The following OTUD7A variants were observed in gnomAD, a reference collection of about 807,000 sequenced individuals.
The protein encoded by OTUD7A is OTU deubiquitinase 7A, also known as OTU domain-containing protein 7A.
Under a neutral mutation model 65.7 loss-of-function variants are expected in OTUD7A, and 12 were observed. The observed-to-expected ratio is 0.18, with a 90% CI of 0.12 to 0.30. OTUD7A has a LOEUF of 0.30. OTUD7A is among the 10% of genes least tolerant of loss of function. The pLI is 1.00. For missense variants in OTUD7A, 1,148 were observed against 1,304.8 expected (o/e 0.88, Z 1.85); for synonymous variants, 641 against 586.3 (o/e 1.09, Z -1.35).
chr15:31,513,052 G>A (rs2041780939), intron 8 of OTUD7A, among the ~76,000 whole-genome samples: 1 of 152,136 alleles, frequency 6.6e-6, no homozygotes, highest in South Asian at 2.1e-4. Context: ...TGTATTTTTA[G>A]TGGAGACGGG....
intron 1 of OTUD7A, among the ~76,000 whole-genome samples, chr15:31,850,785 AT>A (rs1189495941): frequency 6.6e-6 from 1 of 152,210 alleles, no homozygotes; most frequent in Admixed American, 6.5e-5. Context: ...AGGAGTTAAC[AT>A]GCAAAGCGGC....
intron 1 of OTUD7A, among the ~76,000 whole-genome samples, chr15:31,684,674 G>C (rs1892795826): frequency 7.1e-6 from 1 of 141,048 alleles, no homozygotes; most frequent in Admixed American, 7.4e-5. Flanking sequence ...CACAACATCA[G>C]AGTTGTTTCA....
rs373314778 is a variant in OTUD7A at position 31,510,926 on chromosome 15, C to CAT, written c.894-7110_894-7109dup. On this transcript the variant is annotated intron_variant, in intron 8 of 12. Coordinates refer to ENST00000307050, the MANE Select transcript of OTUD7A (RefSeq NM_001382637.1). ...AACATATATGTATATCTATATGTAA[C>CAT]ATATATGTATATCTATATGTAACAT... Among the ~76,000 whole-genome samples the CAT allele has an allele frequency of 2.6e-4, 3 of 11,422 alleles. 1 individual carries two copies. The African/African-American group carries it at 3.4e-3, about 13-fold the overall frequency. The allele number at this position is 11,422 out of a possible 152,430, so 7.5% of individuals were successfully genotyped here. A position where few individuals can be genotyped will look rare whatever the true frequency, so the allele number is the denominator to read the frequency against.
chr15:31,662,792 C>T (rs1892201822), intron 1 of OTUD7A, among the ~76,000 whole-genome samples: 1 of 152,164 alleles, frequency 6.6e-6, no homozygotes, highest in South Asian at 2.1e-4. Context: ...AAATTGAAGA[C>T]TTAGGAGTTT....
intron 1 of OTUD7A, chr15:31,767,862 G>A (rs1434439388): frequency 2.7e-5 from 31 of 1,146,662 alleles, no homozygotes; most frequent in Admixed American, 8.9e-5. Flanking sequence ...GGATGCCTTC[G>A]TGGTAGAGTT....
chr15:31,475,578 C>G lies in OTUD7A; in HGVS notation c.*7716G>C, dbSNP rs936887703. Reference sequence around the variant, plus strand: ...TGCAGTAGTCATTACTGGAAGTTTTCCAAAATGAAAGCAAGATTTACTACA... The same window carrying G: ...TGCAGTAGTCATTACTGGAAGTTTTGCAAAATGAAAGCAAGATTTACTACA... On this transcript the variant is annotated 3_prime_UTR_variant, in exon 13 of 13. Coordinates refer to ENST00000307050, the MANE Select transcript of OTUD7A (RefSeq NM_001382637.1). 2 of 152,162 alleles carry G rather than the reference C, an allele frequency of 1.3e-5. No individual in the cohort carries two copies. Among genetic ancestry groups the G allele is most frequent in the Non-Finnish European group, 2.9e-5 (2 of 68,026 alleles). The allele number at this position is 152,162 out of a possible 1,614,324, so 9.4% of individuals were successfully genotyped here.
intron 1 of OTUD7A, among the ~76,000 whole-genome samples, chr15:31,685,950 A>T (rs2141312027): frequency 6.6e-6 from 1 of 152,302 alleles, no homozygotes; most frequent in African/African-American, 2.4e-5. Flanking sequence ...GGGATTTAAG[A>T]ACTGCCCTGA....
intron 1 of OTUD7A, among the ~76,000 whole-genome samples, chr15:31,774,822 C>T (rs1481829785): frequency 6.6e-6 from 1 of 151,952 alleles, no homozygotes; most frequent in Non-Finnish European, 1.5e-5. Context: ...TAACACTTGT[C>T]TTTTAGAATT....
chr15:31,751,073 A>G (rs1035282389), intron 1 of OTUD7A, among the ~76,000 whole-genome samples: 2 of 152,248 alleles, frequency 1.3e-5, no homozygotes, highest in African/African-American at 4.8e-5. Context: ...AAAATTGACA[A>G]GTGGGACAAA....
intron 3 of OTUD7A, among the ~76,000 whole-genome samples, chr15:31,611,187 C>G (rs1023239043): frequency 1.3e-5 from 2 of 152,176 alleles, no homozygotes; most frequent in African/African-American, 4.8e-5. Flanking sequence ...GCCCTACACG[C>G]CTACATCAAA....
intron 3 of OTUD7A, among the ~76,000 whole-genome samples, chr15:31,624,434 T>C (rs1890891038): frequency 6.6e-6 from 1 of 151,746 alleles, no homozygotes; most frequent in Non-Finnish European, 1.5e-5. Context: ...TTTCCAAATA[T>C]CAAGAAATAA....
In OTUD7A at chr15:31,494,587, G is replaced by A. The variant is rs1207536986; in HGVS notation, c.1172-7021C>T. On this transcript the variant is annotated intron_variant, in intron 10 of 12. Coordinates refer to ENST00000307050, the MANE Select transcript of OTUD7A (RefSeq NM_001382637.1). Reference sequence around the variant, plus strand: ...GAAAAAACTCTCAGGCTGAGAGAGCGTTCAGCATCTAACACAATTTCTGGG... The same window carrying A: ...GAAAAAACTCTCAGGCTGAGAGAGCATTCAGCATCTAACACAATTTCTGGG... Among the ~76,000 whole-genome samples the A allele has an allele frequency of 2.6e-5, 4 of 152,220 alleles. No individual in the cohort carries two copies. In the East Asian group the frequency reaches 5.8e-4, roughly 22 times the overall value.
chr15:31,584,793 G>A (rs868001116), intron 3 of OTUD7A, among the ~76,000 whole-genome samples: 4 of 152,168 alleles, frequency 2.6e-5, no homozygotes, highest in African/African-American at 9.7e-5. Context: ...ACGTCAGCTG[G>A]AGTCTGCAAG....
intron 3 of OTUD7A, among the ~76,000 whole-genome samples, chr15:31,629,593 T>C (rs1002172062): frequency 3.3e-5 from 5 of 152,354 alleles, no homozygotes; most frequent in South Asian, 2.1e-4. Flanking sequence ...GGTATCAGGA[T>C]GATGCTGGCC....
intron 5 of OTUD7A, among the ~76,000 whole-genome samples, chr15:31,531,358 T>A (rs1273718751): frequency 6.6e-6 from 1 of 151,982 alleles, no homozygotes; most frequent in East Asian, 1.9e-4. Context: ...AAATTATGTA[T>A]AAAATCATAT....
At chr15:31,619,301 A>G (rs983901314) in intron 3 of OTUD7A, among the ~76,000 whole-genome samples, 2 of 152,164 alleles carry the variant, frequency 1.3e-5, no homozygotes, top group Non-Finnish European at 2.9e-5. Context: ...GTTTTTTCCA[A>G]TTCTGTGAAG....
chr15:31,653,033 G>A (rs35623881), intron 3 of OTUD7A, among the ~76,000 whole-genome samples: 4 of 152,004 alleles, frequency 2.6e-5, no homozygotes, highest in Non-Finnish European at 4.4e-5. Flanking sequence ...GGCAGATCAC[G>A]AGGTCAGGAG....
chr15:31,869,184 G>C (rs563009411), intron 1 of OTUD7A, among the ~76,000 whole-genome samples: 16 of 152,280 alleles, frequency 1.1e-4, no homozygotes, highest in Non-Finnish European at 2.4e-4. Context: ...ATTTAGTGGG[G>C]AATGTTTATC....
chr15:31,835,011 C>T (rs1045645860), intron 1 of OTUD7A, among the ~76,000 whole-genome samples: 3 of 152,198 alleles, frequency 2.0e-5, no homozygotes, highest in African/African-American at 7.2e-5. Flanking sequence ...CAGCCCAGGG[C>T]TAAACATCTT....
Sources: allele counts gnomAD v4.1 joint callset (sites outside exome capture counted in the v4.1 genomes callset), GRCh38; gene constraint gnomAD v4.1.1; transcripts MANE v1.5; gene names NCBI Gene and HGNC (gene_info 2026-07-23, HGNC 2026-07-21).